The following C3orf70 variants were observed in gnomAD, a reference collection of about 807,000 sequenced individuals.
The protein encoded by C3orf70 is chromosome 3 open reading frame 70.
C3orf70 carries 15 observed loss-of-function variants against 20.7 expected under a neutral mutation model. The ratio of observed to expected loss-of-function variants is 0.72; its 90% CI spans 0.48 to 1.11. C3orf70 has a LOEUF of 1.11. Among genes scored for constraint, C3orf70 ranks in the 50% most tolerant of loss-of-function variants. C3orf70 has a pLI of 0.00. For synonymous variants in C3orf70, 161 were observed against 125.7 expected, an observed-to-expected ratio of 1.28 and a Z score of -1.88; for missense variants, 332 against 317.6, an observed-to-expected ratio of 1.05 and a Z score of -0.34.
intron 1 of C3orf70, among the ~76,000 whole-genome samples, chr3:185,139,999 CT>C (rs1461506875): frequency 1.3e-5 from 2 of 152,140 alleles, no homozygotes; most frequent in Admixed American, 6.5e-5. Context: ...AATTTTGTAT[CT>C]CAAAAGACTC....
intron 1 of C3orf70, among the ~76,000 whole-genome samples, chr3:185,096,510 G>C (rs1356098360): frequency 6.6e-6 from 1 of 152,116 alleles, no homozygotes; most frequent in Non-Finnish European, 1.5e-5. Flanking sequence ...CACTGCCACT[G>C]AGCTCCAAAT....
intron 1 of C3orf70, among the ~76,000 whole-genome samples, chr3:185,146,761 G>A (rs888131002): frequency 3.9e-5 from 6 of 152,238 alleles, no homozygotes; most frequent in Admixed American, 1.3e-4. Context: ...GCATTTTCCC[G>A]TGGAAGTCAG....
intron 1 of C3orf70, among the ~76,000 whole-genome samples, chr3:185,132,580 G>T (rs1249323164): frequency 1.3e-5 from 2 of 151,990 alleles, no homozygotes; most frequent in African/African-American, 4.8e-5. Context: ...GTGACAAAGA[G>T]ATTCAATATG....
chr3:185,138,754 C>T (rs1218723882), intron 1 of C3orf70, among the ~76,000 whole-genome samples: 2 of 152,202 alleles, frequency 1.3e-5, no homozygotes, highest in East Asian at 3.9e-4. Flanking sequence ...GGAACTTCCT[C>T]AACTTGATAA....
chr3:185,087,850 C>T (rs1715488028), intron 1 of C3orf70, among the ~76,000 whole-genome samples: 1 of 151,856 alleles, frequency 6.6e-6, no homozygotes. Flanking sequence ...AATGAGTGGC[C>T]TGAGGTAAAC....
chr3:185,137,918 A>C (rs1309662313), intron 1 of C3orf70, among the ~76,000 whole-genome samples: 1 of 152,204 alleles, frequency 6.6e-6, no homozygotes, highest in Non-Finnish European at 1.5e-5. Context: ...AAGACACATT[A>C]AACAGAAAAA....
chr3:185,088,552 AAAC>A (rs1271137750), intron 1 of C3orf70, among the ~76,000 whole-genome samples: 6 of 152,292 alleles, frequency 3.9e-5, no homozygotes, highest in African/African-American at 1.4e-4. Flanking sequence ...GTATAATCTA[AAAC>A]AACAGGGAAA....
chr3:185,106,440 A>T, intron 1 of C3orf70, among the ~76,000 whole-genome samples: 1 of 152,184 alleles, frequency 6.6e-6, no homozygotes, highest in Non-Finnish European at 1.5e-5. Flanking sequence ...CGGTCATACT[A>T]AAAAAGAATG....
chr3:185,135,820 G>A (rs1227271155), intron 1 of C3orf70, among the ~76,000 whole-genome samples: 1 of 150,752 alleles, frequency 6.6e-6, no homozygotes, highest in African/African-American at 2.4e-5. Context: ...GATACACAAA[G>A]AAGACATTCA....
At position 185,083,359 on chromosome 3, in the gene C3orf70, T is replaced by G. The variant is rs1577315912; in HGVS notation, c.401A>C (p.Tyr134Ser). The G allele has an allele frequency of 6.2e-7, 1 of 1,614,118 alleles. No individual in the cohort carries two copies. Among genetic ancestry groups the G allele is most frequent in the Non-Finnish European group, 8.5e-7 (1 of 1,179,996 alleles). ...CTTCCCATTAATACATTTAACCTGA[T>G]AGTTGTCAATAAAAAGGTCTGAAAT... The part of the protein sequence containing the change: ...CMISDLFIDN[Y>S]QVKCINGKMC... The change falls in exon 2 of 2, where the codon TAT becomes TCT. Residue 134 changes from tyrosine (Y) to serine (S), a missense_variant. By Grantham distance (144) the Tyr-to-Ser change is moderately radical (BLOSUM62 -2). Coordinates refer to ENST00000335012, the MANE Select transcript of C3orf70 (RefSeq NM_001025266.3).
chr3:185,147,668 T>A (rs946649087), intron 1 of C3orf70, among the ~76,000 whole-genome samples: 14 of 152,186 alleles, frequency 9.2e-5, no homozygotes, highest in African/African-American at 3.4e-4. Context: ...AATTGGCTAT[T>A]AAGTGCTCAG....
Position 185,083,453 on chromosome 3 carries a change from C to T in C3orf70, c.307G>A (p.Glu103Lys), listed in dbSNP as rs778561628. 6.8e-6 allele frequency: 11 copies of T among 1,613,936 alleles called. No individual in the cohort carries two copies. Among genetic ancestry groups the T allele is most frequent in the South Asian group, 4.4e-5 (4 of 91,074 alleles). Residue 103 changes from glutamate to lysine, a missense_variant, in exon 2 of 2, where the codon GAA becomes AAA. Glu to Lys is a moderately conservative substitution (Grantham distance 56). Coordinates refer to ENST00000335012, the MANE Select transcript of C3orf70 (RefSeq NM_001025266.3). ...ACAGATGCAAATTTCAAAAAGTGTT[C>T]GGTGAGCGAGACTGAGATCTGAATG... ...NTIQISVSLT[E>K]HFLKFASVFQ...
At chr3:185,121,523 G>T (rs375954440) in intron 1 of C3orf70, among the ~76,000 whole-genome samples, 1 of 152,122 alleles carries the variant, frequency 6.6e-6, no homozygotes, top group Non-Finnish European at 1.5e-5. Flanking sequence ...GAGGATGGCA[G>T]ATGCCACAGG....
rs550910427 is a variant in C3orf70 at position 185,114,567 on chromosome 3, G to A, written c.197-31004C>T. On this transcript the variant is annotated intron_variant, in intron 1 of 1. Coordinates refer to ENST00000335012, the MANE Select transcript of C3orf70 (RefSeq NM_001025266.3). ...AATGTTTCCATTAAAAGGAATGAAT[G>A]TAAATGAAAGCACCTATCATCATTC... 1.3e-3 allele frequency among the ~76,000 whole-genome samples: 191 copies of A among 152,242 alleles called. 1 individual carries two copies. Among genetic ancestry groups the A allele is most frequent in the African/African-American group, 4.3e-3 (177 of 41,534 alleles).
chr3:185,125,635 G>A (rs1454022306), intron 1 of C3orf70, among the ~76,000 whole-genome samples: 2 of 152,070 alleles, frequency 1.3e-5, no homozygotes, highest in African/African-American at 4.8e-5. Flanking sequence ...ACAAATTGTG[G>A]TACATCCAAT....
intron 1 of C3orf70, among the ~76,000 whole-genome samples, chr3:185,093,735 C>A (rs1715640782): frequency 6.6e-6 from 1 of 151,568 alleles, no homozygotes; most frequent in South Asian, 2.1e-4. Flanking sequence ...AGGACCTGAA[C>A]AAAAGAAAGT....
At chr3:185,140,972 A>AAAAAAAAG (rs1716739295) in intron 1 of C3orf70, among the ~76,000 whole-genome samples, 1 of 99,964 alleles carries the variant, frequency 1.0e-5, no homozygotes, top group South Asian at 3.7e-4. Context: ...TTGTCACCAA[A>AAAAAAAAG]AAAAAAAAAG....
Position 185,083,083 on chromosome 3 carries a change from T to C in C3orf70, c.677A>G (p.Glu226Gly). The C allele has an allele frequency of 6.2e-7, 1 of 1,614,182 alleles. No individual in the cohort carries two copies. The highest frequency in any genetic ancestry group is 8.5e-7 in the Non-Finnish European group (1 of 1,180,040). The change falls in exon 2 of 2, where the codon GAA becomes GGA. Residue 226 changes from glutamate to glycine, a missense_variant. By Grantham distance (98) the Glu-to-Gly change is moderately conservative. Coordinates refer to ENST00000335012, the MANE Select transcript of C3orf70 (RefSeq NM_001025266.3). ...EEDYSPESSW[E>G]PDECTLLSPS... ...GGAGAGAAGGGTGCACTCATCCGGT[T>C]CCCAGCTGCTCTCTGGACTGTAATC...
chr3:185,098,837 A>C (rs1241300509), intron 1 of C3orf70, among the ~76,000 whole-genome samples: 1 of 152,160 alleles, frequency 6.6e-6, no homozygotes, highest in Non-Finnish European at 1.5e-5. Context: ...TGAATAGAAC[A>C]GAAATACCAG....
Sources: gnomAD v4.1 joint callset for allele counts (sites outside exome capture counted in the v4.1 genomes callset) on GRCh38, gnomAD v4.1.1 for gene constraint, MANE v1.5 for transcripts, NCBI Gene and HGNC (gene_info 2026-07-23, HGNC 2026-07-21) for gene names.